Variants in EPB41L5 observed in about 807,000 individuals in gnomAD.
The protein encoded by EPB41L5 is erythrocyte membrane protein band 4.1 like 5.
Under a neutral mutation model 106.6 loss-of-function variants are expected in EPB41L5, and 55 were observed. That is an observed-to-expected ratio of 0.52 (90% CI 0.42 to 0.65). The LOEUF is 0.65. Ranked by LOEUF, EPB41L5 falls within the 30% of genes least tolerant of loss-of-function variation. EPB41L5 has a pLI of 0.00. For missense variants in EPB41L5, 871 were observed against 882.1 expected (o/e 0.99, Z 0.16); for synonymous variants, 297 against 306.7 (o/e 0.97, Z 0.33).
intron 3 of EPB41L5, among the ~76,000 whole-genome samples, chr2:120,072,229 A>G (rs889470788): frequency 5.3e-5 from 8 of 152,226 alleles, no homozygotes; most frequent in African/African-American, 7.2e-5. Flanking sequence ...CAAAACCACA[A>G]TGAGATACCA....
chr2:120,045,241 A>G (rs1679686445), intron 3 of EPB41L5, among the ~76,000 whole-genome samples: 1 of 152,208 alleles, frequency 6.6e-6, no homozygotes, highest in Non-Finnish European at 1.5e-5. Context: ...AAATTAGTAA[A>G]TCGATGAAGC....
chr2:120,092,632 C>G (rs1335373013), intron 13 of EPB41L5, among the ~76,000 whole-genome samples: 1 of 152,072 alleles, frequency 6.6e-6, no homozygotes, highest in Non-Finnish European at 1.5e-5. Context: ...CCAAAAACAG[C>G]TGTAATGATC....
chr2:120,106,236 G>T, intron 16 of EPB41L5: 2 of 985,354 alleles, frequency 2.0e-6, no homozygotes, highest in Non-Finnish European at 2.4e-6. Flanking sequence ...GGGGTGTTAG[G>T]GATGGAGGCA....
At chr2:120,107,687 C>T (rs1684530351) in intron 16 of EPB41L5, among the ~76,000 whole-genome samples, 1 of 152,202 alleles carries the variant, frequency 6.6e-6, no homozygotes, top group Non-Finnish European at 1.5e-5. Context: ...TAGTCTTCCT[C>T]TAACCCCCTT....
At chr2:120,085,527 G>T (rs531304364) in intron 10 of EPB41L5, among the ~76,000 whole-genome samples, 1 of 152,338 alleles carries the variant, frequency 6.6e-6, no homozygotes, top group African/African-American at 2.4e-5. Context: ...CTACTGGAGG[G>T]TGCCTCCCAG....
intron 1 of EPB41L5, among the ~76,000 whole-genome samples, chr2:120,017,777 A>G (rs1486087022): frequency 6.6e-6 from 1 of 152,102 alleles, no homozygotes; most frequent in Non-Finnish European, 1.5e-5. Context: ...TTTATTATGA[A>G]TGCTCAGAAA....
chr2:120,135,042 A>G (rs1272080690), intron 18 of EPB41L5, among the ~76,000 whole-genome samples: 1 of 152,236 alleles, frequency 6.6e-6, no homozygotes, highest in East Asian at 1.9e-4. Context: ...GAGGAAACTC[A>G]GTGAAATTCA....
intron 20 of EPB41L5, among the ~76,000 whole-genome samples, chr2:120,147,454 G>A (rs1029266252): frequency 4.6e-5 from 7 of 151,734 alleles, no homozygotes; most frequent in African/African-American, 1.2e-4. Context: ...GGTGAAACCC[G>A]TCTCTACTAA....
chr2:120,024,191 C>G (rs1307534900), intron 2 of EPB41L5, among the ~76,000 whole-genome samples: 1 of 152,156 alleles, frequency 6.6e-6, no homozygotes, highest in Non-Finnish European at 1.5e-5. Flanking sequence ...CTTGATTGCC[C>G]TGGCCAGAAC....
chr2:120,065,793 G>A (rs1681408281), intron 3 of EPB41L5, among the ~76,000 whole-genome samples: 1 of 152,160 alleles, frequency 6.6e-6, no homozygotes, highest in African/African-American at 2.4e-5. Flanking sequence ...TGGGATTGCA[G>A]GTGTGAGCCA....
chr2:120,112,325 G>C (rs1481398576), intron 16 of EPB41L5, among the ~76,000 whole-genome samples: 3 of 152,112 alleles, frequency 2.0e-5, no homozygotes, highest in Non-Finnish European at 4.4e-5. Context: ...TGTACGCTCC[G>C]TTAAGGGAGA....
At position 120,102,974 on chromosome 2, in the gene EPB41L5, T is replaced by TAA. The variant is rs1016229057; in HGVS notation, c.1337+2160_1337+2161insAA. Among the ~76,000 whole-genome samples the TAA allele has an allele frequency of 2.1e-4, 32 of 152,266 alleles. 3 individuals are homozygous for TAA. The South Asian group carries it at 5.2e-3, about 25-fold the overall frequency. ...AGAGACCATAACTTGAGGGTTGTGA[T>TAA]TTTTGTGAGCCAGGTCTGATGAACA... On this transcript the variant is annotated intron_variant, in intron 16 of 24. Coordinates refer to ENST00000263713, the MANE Select transcript of EPB41L5 (RefSeq NM_020909.4).
chr2:120,043,644 G>A (rs1048927679), intron 3 of EPB41L5, among the ~76,000 whole-genome samples: 1 of 152,052 alleles, frequency 6.6e-6, no homozygotes. Context: ...AGACTGAGGC[G>A]AGAGGATCCC....
intron 20 of EPB41L5, among the ~76,000 whole-genome samples, chr2:120,159,953 A>AT (rs1473127576): frequency 6.6e-6 from 1 of 152,252 alleles, no homozygotes; most frequent in Non-Finnish European, 1.5e-5. Context: ...GGAGGCCATT[A>AT]TCCTTAGCAA....
intron 2 of EPB41L5, among the ~76,000 whole-genome samples, chr2:120,041,080 T>G (rs928920477): frequency 6.6e-6 from 1 of 152,190 alleles, no homozygotes; most frequent in Non-Finnish European, 1.5e-5. Flanking sequence ...ATTAACTGAT[T>G]AATCAATAAT....
chr2:120,115,158 T>C (rs541874009), intron 16 of EPB41L5, among the ~76,000 whole-genome samples: 1 of 152,220 alleles, frequency 6.6e-6, no homozygotes, highest in Non-Finnish European at 1.5e-5. Context: ...GAATCTGAAG[T>C]GTATCCCTTC....
chr2:120,107,302 G>GT (rs1684509093), intron 16 of EPB41L5, among the ~76,000 whole-genome samples: 1 of 152,048 alleles, frequency 6.6e-6, no homozygotes, highest in African/African-American at 2.4e-5. Context: ...TGTTATTTTA[G>GT]TGTTAGTCTT....
chr2:120,062,896 TGAG>T (rs901965466), intron 3 of EPB41L5, among the ~76,000 whole-genome samples: 6 of 152,192 alleles, frequency 3.9e-5, no homozygotes, highest in African/African-American at 1.4e-4. Flanking sequence ...AAAATAGTGA[TGAG>T]GAGTGTGGGA....
intron 3 of EPB41L5, among the ~76,000 whole-genome samples, chr2:120,057,035 T>C (rs1680702890): frequency 6.6e-6 from 1 of 152,166 alleles, no homozygotes; most frequent in Non-Finnish European, 1.5e-5. Flanking sequence ...TAGTGGGGGC[T>C]ATAGGCACCC....
Sources: gnomAD v4.1 joint callset for allele counts (sites outside exome capture counted in the v4.1 genomes callset) on GRCh38, gnomAD v4.1.1 for gene constraint, MANE v1.5 for transcripts, NCBI Gene and HGNC (gene_info 2026-07-23, HGNC 2026-07-21) for gene names.